SLC44A5: variants seen among roughly 807,000 people sequenced by gnomAD.
The protein encoded by SLC44A5 is solute carrier family 44 member 5.
Under a neutral mutation model 101.8 loss-of-function variants are expected in SLC44A5, and 57 were observed. That is an observed-to-expected ratio of 0.56 (90% CI 0.45 to 0.70). The LOEUF (loss-of-function observed/expected upper bound fraction) is 0.70. Ranked by LOEUF, SLC44A5 falls within the 30% of genes least tolerant of loss-of-function variation. SLC44A5 has a pLI of 0.00. For missense variants in SLC44A5, 737 were observed against 853.1 expected, an observed-to-expected ratio of 0.86 and a Z score of 1.70; for synonymous variants, 281 against 290.9, an observed-to-expected ratio of 0.97 and a Z score of 0.35.
chr1:75,361,302 C>A (rs1197276874), intron 3 of SLC44A5, among the ~76,000 whole-genome samples: 3 of 151,966 alleles, frequency 2.0e-5, no homozygotes, highest in Admixed American at 1.3e-4. Context: ...CCTTTTATTT[C>A]TTTCTGTTGC....
intron 4 of SLC44A5, among the ~76,000 whole-genome samples, chr1:75,310,853 G>C (rs1655239830): frequency 6.6e-6 from 1 of 151,926 alleles, no homozygotes; most frequent in Admixed American, 6.6e-5. Flanking sequence ...ATAGCAAGTA[G>C]TTAGATTTTA....
chr1:75,452,964 A>G (rs1428518422), intron 2 of SLC44A5, among the ~76,000 whole-genome samples: 1 of 152,120 alleles, frequency 6.6e-6, no homozygotes, highest in Non-Finnish European at 1.5e-5. Flanking sequence ...CCCACCAAAA[A>G]CACTATTCAG....
At chr1:75,562,728 T>C (rs1190349214) in intron 1 of SLC44A5, among the ~76,000 whole-genome samples, 1 of 152,108 alleles carries the variant, frequency 6.6e-6, no homozygotes, top group African/African-American at 2.4e-5. Context: ...AAGTCTTGAG[T>C]AATTTTTCCT....
rs1048893318 is a variant in SLC44A5, at chr1:75,495,944, A to G, written c.13+45491T>C. Among the ~76,000 whole-genome samples, 6 of 152,274 alleles carry G rather than the reference A, an allele frequency of 3.9e-5. No individual in the cohort carries two copies. In the East Asian group the frequency reaches 1.2e-3, roughly 29 times the overall value. On this transcript the variant is annotated intron_variant, in intron 2 of 23. Coordinates refer to ENST00000370859, the MANE Select transcript of SLC44A5 (RefSeq NM_001130058.2). The stretch of plus-strand genomic sequence containing the variant: ...CCCTCAAGCATTTATCTTTTGTGCT[A>G]CAAACAATCAAATTACACTCTTTTA...
At chr1:75,604,950 ACTT>A (rs753125886) in intron 1 of SLC44A5, among the ~76,000 whole-genome samples, 24 of 151,800 alleles carry the variant, frequency 1.6e-4, no homozygotes, top group African/African-American at 5.1e-4. Flanking sequence ...AGATAGTTTG[ACTT>A]CTTCTTTTCC....
chr1:75,684,172 G>A, the SLC44A5 span, among the ~76,000 whole-genome samples: 4 of 152,126 alleles, frequency 2.6e-5, no homozygotes, highest in Admixed American at 2.6e-4. Context: ...TCATTACCAT[G>A]AGAACAGTAT....
chr1:75,302,104 GTTTTTTTGTTTTTTT>G (rs1412405474), intron 4 of SLC44A5, among the ~76,000 whole-genome samples: 3 of 49,612 alleles, frequency 6.0e-5, no homozygotes, highest in East Asian at 6.8e-4. Flanking sequence ...AGGTGCTCTA[GTTTTTTTGTTTTTTT>G]TTTTTTTTTT....
At position 75,274,963 on chromosome 1, in the gene SLC44A5, G is replaced by GCTCC; in HGVS notation, c.254_255insGGAG (p.Asn86GlufsTer3). The GCTCC allele has an allele frequency of 6.2e-7, 1 of 1,611,740 alleles. No individual in the cohort carries two copies. Among genetic ancestry groups the GCTCC allele is most frequent in the Non-Finnish European group, 8.5e-7 (1 of 1,178,766 alleles). On this transcript the variant is annotated frameshift_variant, in exon 6 of 24. Coordinates refer to ENST00000370859, the MANE Select transcript of SLC44A5 (RefSeq NM_001130058.2). LOFTEE classifies it high-confidence loss of function. ...GCAAAGGTGGCCATACTCACTCATT[G>GCTCC]GGAGTGCCCTTCTGGCCACAAAAGT...
the SLC44A5 span, among the ~76,000 whole-genome samples, chr1:75,616,272 T>C: frequency 1.3e-5 from 2 of 150,656 alleles, no homozygotes; most frequent in Non-Finnish European, 3.0e-5. Flanking sequence ...GTGTCCCGTC[T>C]GAGCCGCCAG....
At chr1:75,611,293 G>A (rs1230324887), upstream of SLC44A5, among the ~76,000 whole-genome samples, 1 of 152,128 alleles carries the variant, frequency 6.6e-6, no homozygotes, top group Non-Finnish European at 1.5e-5. Context: ...TTTTTTCATT[G>A]TTAATCCTTG....
chr1:75,415,368 A>T (rs1557762057), intron 2 of SLC44A5, among the ~76,000 whole-genome samples: 1 of 152,146 alleles, frequency 6.6e-6, no homozygotes, highest in African/African-American at 2.4e-5. Context: ...GCTGCCATCC[A>T]TGTAGGATGT....
At chr1:75,623,488 C>T in the SLC44A5 span, among the ~76,000 whole-genome samples, 1 of 152,050 alleles carries the variant, frequency 6.6e-6, no homozygotes, top group Non-Finnish European at 1.5e-5. Flanking sequence ...CACACTTCTT[C>T]AACTACATTT....
chr1:75,478,271 A>G (rs2101759050), intron 2 of SLC44A5, among the ~76,000 whole-genome samples: 1 of 152,304 alleles, frequency 6.6e-6, no homozygotes, highest in Non-Finnish European at 1.5e-5. Context: ...ATGGAAAGGA[A>G]CAACCAGTAC....
chr1:75,519,842 A>G (rs1670023940), intron 2 of SLC44A5, among the ~76,000 whole-genome samples: 1 of 152,248 alleles, frequency 6.6e-6, no homozygotes, highest in East Asian at 1.9e-4. Flanking sequence ...TCTCTTAGAA[A>G]GTAAGACATC....
At chr1:75,666,297 C>A in the SLC44A5 span, among the ~76,000 whole-genome samples, 1 of 152,158 alleles carries the variant, frequency 6.6e-6, no homozygotes, top group African/African-American at 2.4e-5. Flanking sequence ...ATACTATAAA[C>A]ACCTCTACAC....
chr1:75,218,734 T>C lies in SLC44A5; in HGVS notation c.1285A>G (p.Ile429Val), dbSNP rs533864932. ...AGAGCCCCAGGGCAAGCTTTGGCAA[T>C]TTCAGTTGTATTAAAAATCTGCATT... ...CDPEIFNTTE[I>V]AKACPGALCN... The change falls in exon 17 of 24, where the codon ATT (isoleucine) becomes GTT (valine). Residue 429 changes from isoleucine to valine, a missense_variant. Ile to Val is a conservative substitution (Grantham distance 29, BLOSUM62 3). Coordinates refer to ENST00000370859, the MANE Select transcript of SLC44A5 (RefSeq NM_001130058.2). The C allele has an allele frequency of 2.1e-5, 34 of 1,611,396 alleles. 1 individual carries two copies. The South Asian group carries it at 3.4e-4, about 16-fold the overall frequency.
intron 4 of SLC44A5, among the ~76,000 whole-genome samples, chr1:75,318,859 T>C (rs1451082633): frequency 6.6e-6 from 1 of 152,204 alleles, no homozygotes; most frequent in East Asian, 1.9e-4. Context: ...GGCAAAGCCC[T>C]GCTTCCTGTC....
chr1:75,226,711 A>G (rs1056696359), intron 13 of SLC44A5, among the ~76,000 whole-genome samples: 1 of 152,070 alleles, frequency 6.6e-6, no homozygotes, highest in African/African-American at 2.4e-5. Context: ...TCTAACTTCA[A>G]GAATATAAAG....
At chr1:75,256,513 T>A (rs1335354774) in intron 6 of SLC44A5, among the ~76,000 whole-genome samples, 1 of 152,164 alleles carries the variant, frequency 6.6e-6, no homozygotes, top group Non-Finnish European at 1.5e-5. Flanking sequence ...AGTAATGGCC[T>A]GACAGTGAAT....
Sources: allele counts gnomAD v4.1 joint callset (sites outside exome capture counted in the v4.1 genomes callset), GRCh38; gene constraint gnomAD v4.1.1; transcripts MANE v1.5; gene names NCBI Gene and HGNC (gene_info 2026-07-23, HGNC 2026-07-21).